Variants in VAV1 observed in about 807,000 individuals in gnomAD.
VAV1 encodes the protein proto-oncogene vav.
In VAV1, 33 loss-of-function variants were observed where a neutral mutation model predicts 128.1. The ratio of observed to expected loss-of-function variants is 0.26; its 90% CI spans 0.20 to 0.34. VAV1 has a LOEUF of 0.34. Ranked by LOEUF, VAV1 falls within the 10% of genes least tolerant of loss-of-function variation. The pLI is 1.00. For synonymous variants in VAV1, 394 were observed against 409.8 expected, an observed-to-expected ratio of 0.96 and a Z score of 0.47; for missense variants, 715 against 1,093.7, an observed-to-expected ratio of 0.65 and a Z score of 4.88.
At chr19:6,834,762 G>A (rs1972178076) in intron 19 of VAV1, among the ~76,000 whole-genome samples, 1 of 148,934 alleles carries the variant, frequency 6.7e-6, no homozygotes, top group Non-Finnish European at 1.5e-5. Context: ...ATCCCAGGCT[G>A]GAGTGCAGAG....
At chr19:6,850,360 G>A (rs1421198850) in intron 23 of VAV1, among the ~76,000 whole-genome samples, 1 of 145,904 alleles carries the variant, frequency 6.9e-6, no homozygotes, top group African/African-American at 2.5e-5. Context: ...TATATCCTAT[G>A]GTTGTCTATA....
intron 24 of VAV1, 53 bp from the exon 25 acceptor site, chr19:6,852,912 C>T (rs1972703968): frequency 1.3e-6 from 2 of 1,487,390 alleles, no homozygotes; most frequent in African/African-American, 2.8e-5. Context: ...TAGCTCTGCC[C>T]CCTTATGGGC....
intron 1 of VAV1, among the ~76,000 whole-genome samples, chr19:6,815,753 GATA>G (rs1301462039): frequency 6.6e-6 from 1 of 152,168 alleles, no homozygotes; most frequent in Non-Finnish European, 1.5e-5. Flanking sequence ...GTAAAATGAG[GATA>G]ATAATATGAC....
At chr19:6,829,682 G>A (rs977160992) in intron 13 of VAV1, 104 bp from the exon 14 acceptor site, 11 of 1,548,424 alleles carry the variant, frequency 7.1e-6, no homozygotes, top group Non-Finnish European at 9.6e-6. Context: ...TGGCCAAGGA[G>A]GAGGAGAAGG....
chr19:6,805,913 A>T (rs1318988787), intron 1 of VAV1, among the ~76,000 whole-genome samples: 1 of 152,082 alleles, frequency 6.6e-6, no homozygotes, highest in Non-Finnish European at 1.5e-5. Context: ...AGTGTCTTGG[A>T]TGCTAAAGGG....
Position 6,777,268 on chromosome 19 carries a change from TC to T in VAV1, c.204+4259del, listed in dbSNP as rs1970667090. On this transcript the variant is annotated intron_variant, in intron 1 of 26. Coordinates refer to ENST00000602142, the MANE Select transcript of VAV1 (RefSeq NM_005428.4). The surrounding 1 kb of genome is among the most constrained non-coding windows in gnomAD (Gnocchi z 4.4). ...ATCCATCCATCCATCCATCCATCCA[TC>T]CATCCATCCATCCATCCAGCAATGA... Among the ~76,000 whole-genome samples the T allele has an allele frequency of 6.6e-6, 1 of 151,658 alleles. No homozygotes were observed. The highest frequency in any genetic ancestry group is 1.5e-5 in the Non-Finnish European group (1 of 67,896).
intron 9 of VAV1, 146 bp from the exon 10 acceptor site, chr19:6,827,930 A>T: frequency 1.5e-6 from 1 of 651,018 alleles, no homozygotes; most frequent in East Asian, 2.8e-5. Context: ...TTGGGGGCAG[A>T]TATGATGCTT....
At position 6,820,841 on chromosome 19, in the gene VAV1, A is replaced by G; in HGVS notation, c.321+23A>G. ...AAGGTGAGCTGCACACTTGAAGCCC[A>G]AAGACTGAGTTTCAGTTAATTTCTA... On this transcript the variant is annotated intron_variant, in intron 2 of 26. Transcript: ENST00000602142. The surrounding 1 kb of genome is among the most constrained non-coding windows in gnomAD (Gnocchi z 4.4). 1.9e-6 allele frequency: 3 copies of G among 1,603,946 alleles called. No homozygotes were observed. The highest frequency in any genetic ancestry group is 2.6e-6 in the Non-Finnish European group (3 of 1,170,804).
At chr19:6,817,965 C>T (rs190637641) in intron 1 of VAV1, among the ~76,000 whole-genome samples, 32 of 152,148 alleles carry the variant, frequency 2.1e-4, no homozygotes, top group Non-Finnish European at 2.6e-4. Context: ...GGATTACAGG[C>T]ATGAGCCACC....
chr19:6,828,016 C>A lies in VAV1; in HGVS notation c.928-60C>A. On this transcript the variant is annotated intron_variant, in intron 9 of 26. Transcript: ENST00000602142. This position sits in a 1 kb window ranked among gnomAD's most constrained non-coding sequence, Gnocchi z 4.5. ...TTTATTCAAATCTATCTGCACCCACCCTGCAACTGGCTGTTTCTGGGACCT... is the reference window on the plus strand; with the variant it reads ...TTTATTCAAATCTATCTGCACCCACACTGCAACTGGCTGTTTCTGGGACCT... 6.8e-7 allele frequency: 1 copy of A among 1,460,798 alleles called. No individual in the cohort carries two copies. Among genetic ancestry groups the A allele is most frequent in the Middle Eastern group, 1.7e-4 (1 of 5,764 alleles). 90.5% of individuals were successfully genotyped at this position (1,460,798 alleles called of 1,614,324 possible).
Position 6,833,301 on chromosome 19 carries a change from G to T in VAV1, c.1610+16G>T. On this transcript the variant is annotated intron_variant, in intron 16 of 26. Transcript: ENST00000602142. Reference sequence around the variant, plus strand: ...TGCTGCTTAGGTGAGAATCTGGGAGGAGGGTCCTGCATACCGGACTTGGTC... The same window carrying T: ...TGCTGCTTAGGTGAGAATCTGGGAGTAGGGTCCTGCATACCGGACTTGGTC... 2 of 1,603,394 alleles carry T rather than the reference G, an allele frequency of 1.2e-6. No individual in the cohort carries two copies. Among genetic ancestry groups the T allele is most frequent in the South Asian group, 2.3e-5 (2 of 88,606 alleles).
At position 6,822,284 on chromosome 19, in the gene VAV1, C is replaced by T. The variant is rs755898713; in HGVS notation, c.513C>T (p.Asp171=). The change falls in exon 5 of 27, where the codon GAC becomes GAT. Residue 171 remains aspartate, a synonymous_variant. Coordinates refer to ENST00000602142, the MANE Select transcript of VAV1 (RefSeq NM_005428.4). This position sits in a 1 kb window ranked among gnomAD's most constrained non-coding sequence, Gnocchi z 5.9. ...DCVENEEAEG[D]EIYEDLMRSE... ...TGGAGAATGAGGAGGCGGAAGGCGA[C>T]GAGATCTATGAGGACCTCATGCGCT... 5.0e-6 allele frequency: 8 copies of T among 1,591,934 alleles called. No individual in the cohort carries two copies. The highest frequency in any genetic ancestry group is 1.9e-4 in the Middle Eastern group (1 of 5,228).
chr19:6,776,521 C>T lies in VAV1; in HGVS notation c.204+3510C>T, dbSNP rs1420248380. Among the ~76,000 whole-genome samples the T allele has an allele frequency of 6.4e-5, 6 of 94,462 alleles. No individual in the cohort carries two copies. In the South Asian group the frequency reaches 8.3e-4, roughly 13 times the overall value. The allele number at this position is 94,462 out of a possible 152,430, so 62.0% of individuals were successfully genotyped here. A position where few individuals can be genotyped will look rare whatever the true frequency, so the allele number is the denominator to read the frequency against. Reference sequence around the variant, plus strand: ...CCACTCATCTATCCATCCATCCTCTCATCCATCCATCCATCCATCCATCCA... The same window carrying T: ...CCACTCATCTATCCATCCATCCTCTTATCCATCCATCCATCCATCCATCCA... On this transcript the variant is annotated intron_variant, in intron 1 of 26. Coordinates refer to ENST00000602142, the MANE Select transcript of VAV1 (RefSeq NM_005428.4).
intron 21 of VAV1, 79 bp from the exon 22 acceptor site, chr19:6,843,056 T>G: frequency 7.0e-7 from 1 of 1,437,790 alleles, no homozygotes; most frequent in Non-Finnish European, 9.8e-7. Flanking sequence ...AGTGAATGAA[T>G]GAATGAATGA....
Position 6,787,934 on chromosome 19 carries a change from G to A in VAV1, c.204+14923G>A, listed in dbSNP as rs1244468410. On this transcript the variant is annotated intron_variant, in intron 1 of 26. Coordinates refer to ENST00000602142, the MANE Select transcript of VAV1 (RefSeq NM_005428.4). ...TACTAAAAAATACAAAAAATTAGCC[G>A]GGTGTGGTGACGGGCACCTGTAGTC... is the stretch of plus-strand genomic sequence containing the variant. Among the ~76,000 whole-genome samples the A allele has an allele frequency of 9.9e-5, 15 of 151,970 alleles. No homozygotes were observed. The East Asian group carries it at 1.9e-3, about 20-fold the overall frequency.
chr19:6,848,263 C>A, intron 23 of VAV1, 149 bp downstream of exon 23: 1 of 555,038 alleles, frequency 1.8e-6, no homozygotes, highest in Non-Finnish European at 2.9e-6. Context: ...TGCCTTTCAC[C>A]TTCTTTATTT....
intron 1 of VAV1, among the ~76,000 whole-genome samples, chr19:6,805,583 TACACACACACACAC>T (rs55732746): frequency 0.056 from 7,825 of 139,072 alleles, 232 homozygotes; most frequent in Middle Eastern, 0.11. Context: ...TTTCTACAGA[TACACACACACACAC>T]ACACACACAC....
intron 1 of VAV1, among the ~76,000 whole-genome samples, chr19:6,783,783 G>A (rs1970824017): frequency 6.6e-6 from 1 of 151,064 alleles, no homozygotes; most frequent in South Asian, 2.1e-4. Context: ...TCTTGTTATT[G>A]GCCAGAACTT....
chr19:6,799,142 A>C (rs953649486), intron 1 of VAV1, among the ~76,000 whole-genome samples: 2 of 151,888 alleles, frequency 1.3e-5, no homozygotes, highest in African/African-American at 4.8e-5. Context: ...TTATCCATTC[A>C]TCCCTTGATG....
Sources: gnomAD v4.1 joint callset for allele counts (sites outside exome capture counted in the v4.1 genomes callset) on GRCh38, gnomAD v4.1.1 for gene constraint, Gnocchi (gnomAD v3.1) non-coding constraint, MANE v1.5 for transcripts, NCBI Gene and HGNC (gene_info 2026-07-23, HGNC 2026-07-21) for gene names.